Variants in STX18 observed in about 807,000 individuals in gnomAD.
STX18 encodes the protein syntaxin 18, also known as syntaxin-18.
A neutral mutation model predicts 50.1 loss-of-function variants in STX18; 40 were observed. That is an observed-to-expected ratio of 0.80 (90% confidence interval 0.62 to 1.04). The LOEUF (loss-of-function observed/expected upper bound fraction) is 1.04. Among genes scored for constraint, STX18 ranks in the 50% least tolerant of loss-of-function variants. STX18 has a pLI of 0.00. For synonymous variants in STX18, 158 were observed against 151.8 expected, an observed-to-expected ratio of 1.04 and a Z score of -0.30; for missense variants, 410 against 415.8, an observed-to-expected ratio of 0.99 and a Z score of 0.12.
At chr4:4,508,403 T>G (rs1729834174) in intron 1 of STX18, among the ~76,000 whole-genome samples, 1 of 152,054 alleles carries the variant, frequency 6.6e-6, no homozygotes, top group South Asian at 2.1e-4. Context: ...AAAATCTTGT[T>G]TTTTTTTGTG....
At chr4:4,458,174 G>A (rs763831755) in intron 3 of STX18, among the ~76,000 whole-genome samples, 4 of 152,282 alleles carry the variant, frequency 2.6e-5, no homozygotes, top group Non-Finnish European at 5.9e-5. Context: ...TAGCAATTCC[G>A]AGTTTCCTGA....
intron 1 of STX18, among the ~76,000 whole-genome samples, chr4:4,502,772 A>C (rs1027496395): frequency 1.3e-5 from 2 of 152,190 alleles, no homozygotes; most frequent in African/African-American, 4.8e-5. Flanking sequence ...ACTGATGTCT[A>C]GGTCCCTAAC....
At chr4:4,468,531 C>T (rs1022379304) in intron 2 of STX18, among the ~76,000 whole-genome samples, 39 of 152,066 alleles carry the variant, frequency 2.6e-4, no homozygotes, top group African/African-American at 8.0e-4. Context: ...AATAAAGTCA[C>T]CTTCCTTTCG....
intron 1 of STX18, among the ~76,000 whole-genome samples, chr4:4,503,948 T>A (rs377434023): frequency 6.6e-6 from 1 of 152,204 alleles, no homozygotes; most frequent in South Asian, 2.1e-4. Context: ...TAAAGAATTA[T>A]AGATGTCAGA....
At chr4:4,527,956 A>G (rs1460184540) in intron 1 of STX18, among the ~76,000 whole-genome samples, 1 of 151,832 alleles carries the variant, frequency 6.6e-6, no homozygotes, top group Non-Finnish European at 1.5e-5. Context: ...TCCCTTAGCC[A>G]CTGTCTTTCA....
chr4:4,497,280 G>A (rs188559058), intron 1 of STX18, among the ~76,000 whole-genome samples: 184 of 152,294 alleles, frequency 1.2e-3, no homozygotes, highest in African/African-American at 4.3e-3. Flanking sequence ...TGGACAATAT[G>A]CCAAGGAGGA....
intron 2 of STX18, among the ~76,000 whole-genome samples, chr4:4,469,682 G>T (rs1176324619): frequency 6.6e-6 from 1 of 152,100 alleles, no homozygotes; most frequent in Admixed American, 6.5e-5. Flanking sequence ...ATGACATAAA[G>T]GATGCACTCG....
chr4:4,439,025 T>C (rs897525233), intron 5 of STX18, among the ~76,000 whole-genome samples: 2 of 145,612 alleles, frequency 1.4e-5, no homozygotes, highest in African/African-American at 5.1e-5. Context: ...ACCACATATA[T>C]ATACCCATGC....
Position 4,466,294 on chromosome 4 carries a change from T to C in STX18, c.236+5345A>G, listed in dbSNP as rs141709593. Among the ~76,000 whole-genome samples the C allele has an allele frequency of 4.8e-4, 73 of 152,000 alleles. No individual in the cohort carries two copies. The East Asian group carries it at 6.2e-3, about 13-fold the overall frequency. ...AGTGAAGAGCAACAGGCCAACCTGA[T>C]AGTGTGAGTAGAGGCCTGGAGGCAG... is the stretch of plus-strand genomic sequence containing the variant. On this transcript the variant is annotated intron_variant, in intron 2 of 10. Coordinates refer to ENST00000306200, the MANE Select transcript of STX18 (RefSeq NM_016930.4).
At chr4:4,423,893 G>A (rs4689519) in intron 8 of STX18, 59,238 of 397,434 alleles carry the variant, frequency 0.15, 5,153 homozygotes, top group East Asian at 0.23. Context: ...CACTGCTCGG[G>A]GAATGGGGAG....
chr4:4,445,615 T>A, intron 5 of STX18, among the ~76,000 whole-genome samples: 1 of 151,158 alleles, frequency 6.6e-6, no homozygotes. Context: ...CAGGAATAAA[T>A]CTAACAAAAG....
intron 1 of STX18, among the ~76,000 whole-genome samples, chr4:4,506,919 CTG>C (rs1481139341): frequency 6.6e-6 from 1 of 152,162 alleles, no homozygotes; most frequent in Admixed American, 6.5e-5. Flanking sequence ...GAAAATTAAA[CTG>C]TGGATAACAT....
At chr4:4,422,658 C>A (rs1725031696) in intron 9 of STX18, among the ~76,000 whole-genome samples, 1 of 152,096 alleles carries the variant, frequency 6.6e-6, no homozygotes, top group Admixed American at 6.5e-5. Context: ...CTCTGCACGC[C>A]CCTCCCAGGC....
intron 9 of STX18, among the ~76,000 whole-genome samples, chr4:4,422,106 C>T (rs1724998666): frequency 6.6e-6 from 1 of 152,158 alleles, no homozygotes; most frequent in Middle Eastern, 3.2e-3. Context: ...TGATTCCCAG[C>T]AATGAATATT....
In STX18 at chr4:4,542,033, C is replaced by T. The variant is rs536872798; in HGVS notation, c.-69G>A. On this transcript the variant is annotated 5_prime_UTR_variant, in exon 1 of 11. Transcript: ENST00000306200. ...GCAGCCGGCGACCGCGGCGCGAACC[C>T]GGCCGCTGAAGGACTGGTCCTGCCC... is the stretch of plus-strand genomic sequence containing the variant. 7.5e-6 allele frequency: 11 copies of T among 1,466,878 alleles called. No individual in the cohort carries two copies. Among genetic ancestry groups the T allele is most frequent in the Non-Finnish European group, 9.1e-6 (10 of 1,104,892 alleles). 90.9% of individuals were successfully genotyped at this position (1,466,878 alleles called of 1,614,324 possible). A position where few individuals can be genotyped will look rare whatever the true frequency, so the allele number is the denominator to read the frequency against.
At chr4:4,517,107 C>A (rs1163585578) in intron 1 of STX18, among the ~76,000 whole-genome samples, 2 of 152,214 alleles carry the variant, frequency 1.3e-5, no homozygotes, top group African/African-American at 4.8e-5. Flanking sequence ...GAGCTCCCGA[C>A]TGTATCAAAC....
chr4:4,441,404 C>G (rs1401671703), intron 5 of STX18, among the ~76,000 whole-genome samples: 3 of 152,132 alleles, frequency 2.0e-5, no homozygotes, highest in Non-Finnish European at 2.9e-5. Context: ...AGGATATTCA[C>G]CACAAAACTG....
rs1306730606 is a variant in STX18, at chr4:4,541,990, C to A, written c.-26G>T. On this transcript the variant is annotated 5_prime_UTR_variant, in exon 1 of 11. Transcript: ENST00000306200. The stretch of plus-strand genomic sequence containing the variant: ...AGCGACCCGCACCCTCAGCCCCACA[C>A]TAGGCCCGCCCACGTAAGCAGCCGG... The A allele has an allele frequency of 6.4e-7, 1 of 1,558,446 alleles. No homozygotes were observed. The highest frequency in any genetic ancestry group is 2.5e-5 in the East Asian group (1 of 40,768).
intron 1 of STX18, among the ~76,000 whole-genome samples, chr4:4,510,404 T>G (rs761997728): frequency 3.9e-5 from 6 of 152,242 alleles, no homozygotes; most frequent in Non-Finnish European, 8.8e-5. Context: ...ACCTGCTACA[T>G]GTCTCAGATC....
Sources: allele counts gnomAD v4.1 joint callset (sites outside exome capture counted in the v4.1 genomes callset), GRCh38; gene constraint gnomAD v4.1.1; transcripts MANE v1.5; gene names NCBI Gene and HGNC (gene_info 2026-07-23, HGNC 2026-07-21).